EXOC6B: variants seen among roughly 807,000 people sequenced by gnomAD.
The protein encoded by EXOC6B is SEC15 homolog B.
In EXOC6B, 54 loss-of-function variants were observed where a neutral mutation model predicts 113.5. The observed-to-expected ratio is 0.48, with a 90% CI of 0.38 to 0.60. The LOEUF is 0.60. Ranked by LOEUF, EXOC6B falls within the 20% of genes least tolerant of loss-of-function variation. The pLI is 0.00. For synonymous variants in EXOC6B, 357 were observed against 339.0 expected, an observed-to-expected ratio of 1.05 and a Z score of -0.58; for missense variants, 797 against 977.5, an observed-to-expected ratio of 0.82 and a Z score of 2.46.
At chr2:72,781,958 G>T (rs1684068732) in intron 1 of EXOC6B, among the ~76,000 whole-genome samples, 1 of 151,874 alleles carries the variant, frequency 6.6e-6, no homozygotes, top group Admixed American at 6.6e-5. Flanking sequence ...GGCCAACATG[G>T]TGAAACCCCA....
intron 5 of EXOC6B, among the ~76,000 whole-genome samples, chr2:72,727,694 G>A (rs1680386798): frequency 6.6e-6 from 1 of 151,998 alleles, no homozygotes. Flanking sequence ...ACTTTCAACT[G>A]GTTCAAGAAA....
intron 6 of EXOC6B, among the ~76,000 whole-genome samples, chr2:72,712,540 G>T (rs1288209639): frequency 1.3e-5 from 2 of 152,278 alleles, no homozygotes; most frequent in Middle Eastern, 6.8e-3. Context: ...TTTTCTTGCT[G>T]GCTGTCAGGT....
chr2:72,343,066 T>C (rs1248107880), intron 19 of EXOC6B, among the ~76,000 whole-genome samples: 1 of 152,178 alleles, frequency 6.6e-6, no homozygotes, highest in Non-Finnish European at 1.5e-5. Context: ...TTTACAACCT[T>C]GGTTAATTTC....
At chr2:72,463,912 T>A (rs1697869733) in intron 18 of EXOC6B, 1 of 152,158 alleles carries the variant, frequency 6.6e-6, no homozygotes, top group South Asian at 2.1e-4. Context: ...GAAGGCCTAT[T>A]TCCTAGTGCG....
At chr2:72,644,071 A>C (rs1673489285) in intron 6 of EXOC6B, among the ~76,000 whole-genome samples, 1 of 152,196 alleles carries the variant, frequency 6.6e-6, no homozygotes, top group Non-Finnish European at 1.5e-5. Flanking sequence ...CGAATGGCTA[A>C]CAAGAATAAA....
At chr2:72,209,239 A>AG (rs1680023664) in intron 20 of EXOC6B, among the ~76,000 whole-genome samples, 8 of 147,672 alleles carry the variant, frequency 5.4e-5, no homozygotes, top group African/African-American at 1.5e-4. Flanking sequence ...AAAAAAAAAA[A>AG]AAAAAAAAGA....
chr2:72,372,849 AG>A (rs1254091452), intron 19 of EXOC6B, among the ~76,000 whole-genome samples: 1 of 152,102 alleles, frequency 6.6e-6, no homozygotes, highest in African/African-American at 2.4e-5. Context: ...GTCTCAAAAA[AG>A]GAACACACAC....
chr2:72,809,804 C>A (rs546032499), intron 1 of EXOC6B, among the ~76,000 whole-genome samples: 5 of 151,822 alleles, frequency 3.3e-5, no homozygotes, highest in Admixed American at 2.6e-4. Context: ...AGGGACTTCA[C>A]CACCCCTCTC....
Position 72,733,265 on chromosome 2 carries a change from G to T in EXOC6B, c.280-147C>A, listed in dbSNP as rs1391944454. ...CATATTGGTCCAGTGGCATTCTCTTGGGTTTAAATTATGTCAACTTTTCTA... is the reference window on the plus strand; with the variant it reads ...CATATTGGTCCAGTGGCATTCTCTTTGGTTTAAATTATGTCAACTTTTCTA... On this transcript the variant is annotated intron_variant, in intron 2 of 21. Transcript: ENST00000272427. 6 of 645,376 alleles carry T rather than the reference G, an allele frequency of 9.3e-6. No individual in the cohort carries two copies. The African/African-American group carries it at 1.1e-4, about 12-fold the overall frequency. 40.0% of individuals were successfully genotyped at this position (645,376 alleles called of 1,614,324 possible). A position where few individuals can be genotyped will look rare whatever the true frequency, so the allele number is the denominator to read the frequency against.
At chr2:72,512,743 A>T (rs1224054578) in intron 11 of EXOC6B, among the ~76,000 whole-genome samples, 1 of 152,020 alleles carries the variant, frequency 6.6e-6, no homozygotes, top group East Asian at 1.9e-4. Flanking sequence ...ATTGTATGGC[A>T]TTAGGCTGGT....
At chr2:72,313,185 GAGAGGAACAA>G (rs1558547646) in intron 20 of EXOC6B, among the ~76,000 whole-genome samples, 4 of 151,918 alleles carry the variant, frequency 2.6e-5, no homozygotes, top group African/African-American at 9.7e-5. Context: ...GAACAACACA[GAGAGGAACAA>G]CACAGATTGG....
chr2:72,713,506 T>C (rs1219574232), intron 6 of EXOC6B, among the ~76,000 whole-genome samples: 3 of 152,120 alleles, frequency 2.0e-5, no homozygotes, highest in Non-Finnish European at 4.4e-5. Flanking sequence ...TATGTATACA[T>C]GTGCCATGCT....
At chr2:72,419,228 G>A (rs1694717288) in intron 18 of EXOC6B, among the ~76,000 whole-genome samples, 1 of 152,180 alleles carries the variant, frequency 6.6e-6, no homozygotes, top group South Asian at 2.1e-4. Flanking sequence ...AAAACAAAAT[G>A]TGGAGTTACA....
Position 72,279,452 on chromosome 2 carries a change from A to C in EXOC6B, c.2196+55495T>G, listed in dbSNP as rs148184472. Among the ~76,000 whole-genome samples the C allele has an allele frequency of 4.0e-3, 604 of 152,354 alleles. 9 individuals carry two copies. Among genetic ancestry groups the C allele is most frequent in the African/African-American group, 0.014 (591 of 41,586 alleles). On this transcript the variant is annotated intron_variant, in intron 20 of 21. Coordinates refer to ENST00000272427, the MANE Select transcript of EXOC6B (RefSeq NM_015189.3). ...GCACACAAAAATTGTATAAGGGCCC[A>C]AATATTAAAGAGTAGCTTTTTTTGT...
chr2:72,604,542 A>T (rs1670631394), intron 6 of EXOC6B, among the ~76,000 whole-genome samples: 1 of 152,210 alleles, frequency 6.6e-6, no homozygotes, highest in South Asian at 2.1e-4. Flanking sequence ...TAGAAGAGGA[A>T]ACTAAAGTTT....
chr2:72,656,019 T>A (rs932443923), intron 6 of EXOC6B, among the ~76,000 whole-genome samples: 5 of 152,118 alleles, frequency 3.3e-5, no homozygotes, highest in Admixed American at 6.5e-5. Context: ...GTTTTATCAC[T>A]GTTTCTTTGA....
intron 20 of EXOC6B, among the ~76,000 whole-genome samples, chr2:72,196,131 T>C (rs1679153682): frequency 6.6e-6 from 1 of 152,194 alleles, no homozygotes; most frequent in South Asian, 2.1e-4. Flanking sequence ...CAAAAAACTT[T>C]GGAGACACTG....
intron 6 of EXOC6B, among the ~76,000 whole-genome samples, chr2:72,576,096 G>A (rs1291604431): frequency 6.6e-6 from 1 of 152,060 alleles, no homozygotes; most frequent in Non-Finnish European, 1.5e-5. Context: ...CATAATGCTT[G>A]GAGGAAAAAG....
intron 8 of EXOC6B, among the ~76,000 whole-genome samples, chr2:72,554,926 C>T (rs1257855112): frequency 6.6e-6 from 1 of 152,060 alleles, no homozygotes; most frequent in Non-Finnish European, 1.5e-5. Context: ...CCCTGACAGG[C>T]CCCAGTGTGT....
Sources: allele counts gnomAD v4.1 joint callset (sites outside exome capture counted in the v4.1 genomes callset), GRCh38; gene constraint gnomAD v4.1.1; transcripts MANE v1.5; gene names NCBI Gene and HGNC (gene_info 2026-07-23, HGNC 2026-07-21).